The following MYCT1 variants were observed in gnomAD, a reference collection of about 807,000 sequenced individuals.
The protein encoded by MYCT1 is MYC target 1, also known as myc target protein 1.
Under a neutral mutation model 15.0 loss-of-function variants are expected in MYCT1, and 12 were observed. That is an observed-to-expected ratio of 0.80 (90% CI 0.51 to 1.29). The LOEUF (loss-of-function observed/expected upper bound fraction) is 1.29, where lower values mean the gene tolerates loss of function less well. Ranked by LOEUF, MYCT1 falls within the 50% of genes most tolerant of loss-of-function variation. MYCT1 has a pLI of 0.00. For missense variants in MYCT1, 287 were observed against 279.1 expected (o/e 1.03, Z -0.20); for synonymous variants, 104 against 102.7 (o/e 1.01, Z -0.07).
intron 1 of MYCT1, among the ~76,000 whole-genome samples, chr6:152,717,354 T>G (rs568147110): frequency 6.6e-6 from 1 of 152,296 alleles, no homozygotes; most frequent in East Asian, 1.9e-4. Context: ...CAGTATTATT[T>G]GTAGGTGTTT....
chr6:152,741,153 T>C, the MYCT1 span, among the ~76,000 whole-genome samples: 1 of 152,206 alleles, frequency 6.6e-6, no homozygotes, highest in African/African-American at 2.4e-5. Context: ...GTAAAGTGAC[T>C]AACACGTTTT....
intron 1 of MYCT1, among the ~76,000 whole-genome samples, chr6:152,707,571 C>T (rs1237308441): frequency 6.6e-6 from 1 of 151,808 alleles, no homozygotes; most frequent in African/African-American, 2.4e-5. Flanking sequence ...ATATAATTGC[C>T]CAGATCAATA....
the MYCT1 span, among the ~76,000 whole-genome samples, chr6:152,740,039 GTTA>G: frequency 6.6e-6 from 1 of 151,232 alleles, no homozygotes; most frequent in African/African-American, 2.4e-5. Context: ...TATTGTTATT[GTTA>G]TTATTATTAT....
At chr6:152,707,770 CA>C (rs1042953167) in intron 1 of MYCT1, among the ~76,000 whole-genome samples, 2 of 151,974 alleles carry the variant, frequency 1.3e-5, no homozygotes, top group Admixed American at 6.6e-5. Context: ...CCCCATTGTG[CA>C]TTTTTGATAC....
intron 1 of MYCT1, among the ~76,000 whole-genome samples, chr6:152,702,526 T>C (rs2099721484): frequency 6.6e-6 from 1 of 152,134 alleles, no homozygotes; most frequent in African/African-American, 2.4e-5. Flanking sequence ...TTGTTGGGGA[T>C]CAAGTGCTGT....
At chr6:152,745,051 T>C in the MYCT1 span, among the ~76,000 whole-genome samples, 1 of 152,098 alleles carries the variant, frequency 6.6e-6, no homozygotes, top group East Asian at 1.9e-4. Flanking sequence ...GAGGGAGACA[T>C]GTGGCCTCCA....
chr6:152,704,234 T>C (rs1485287430), intron 1 of MYCT1, among the ~76,000 whole-genome samples: 2 of 152,060 alleles, frequency 1.3e-5, no homozygotes, highest in African/African-American at 4.8e-5. Flanking sequence ...ACTCCTGGGC[T>C]CAAGCGATTT....
chr6:152,722,015 C>G lies in MYCT1; in HGVS notation c.470C>G (p.Pro157Arg), dbSNP rs1308308892. 6.2e-7 allele frequency: 1 copy of G among 1,614,022 alleles called. No individual in the cohort carries two copies. Among genetic ancestry groups the G allele is most frequent in the African/African-American group, 1.3e-5 (1 of 74,920 alleles). ...QASLEQANSF[P>R]RKSSFRASTF... Reference sequence around the variant, plus strand: ...TCCCTGGAACAAGCAAATTCCTTTCCAAGAAAATCAAGTTTCAGAGCTTCT... The same window carrying G: ...TCCCTGGAACAAGCAAATTCCTTTCGAAGAAAATCAAGTTTCAGAGCTTCT... Residue 157 changes from proline (P) to arginine (R), a missense_variant, in exon 2 of 2, where the codon CCA becomes CGA. Physicochemically the swap from Pro to Arg is moderately radical, Grantham distance 103 (BLOSUM62 -2). Transcript: ENST00000367245.
At chr6:152,740,369 T>A in the MYCT1 span, among the ~76,000 whole-genome samples, 1 of 152,046 alleles carries the variant, frequency 6.6e-6, no homozygotes, top group African/African-American at 2.4e-5. Flanking sequence ...ATAATTATTA[T>A]CCCTATCAAA....
chr6:152,743,691 CCAGATCTCAGCTCCGCTACT>C, the MYCT1 span, among the ~76,000 whole-genome samples: 2 of 152,160 alleles, frequency 1.3e-5, no homozygotes, highest in Non-Finnish European at 2.9e-5. Flanking sequence ...GGTGAAAGGT[CCAGATCTCAGCTCCGCTACT>C]CATTGGAAGT....
At chr6:152,739,707 T>G in the MYCT1 span, among the ~76,000 whole-genome samples, 1 of 152,146 alleles carries the variant, frequency 6.6e-6, no homozygotes, top group Non-Finnish European at 1.5e-5. Flanking sequence ...ATATTAACTT[T>G]CTGTCATATA....
downstream of MYCT1, among the ~76,000 whole-genome samples, chr6:152,727,486 C>T (rs2099725860): frequency 6.6e-6 from 1 of 152,106 alleles, no homozygotes; most frequent in Non-Finnish European, 1.5e-5. Flanking sequence ...GTGTCTGTAA[C>T]CACAGAAGAG....
At chr6:152,730,788 A>G in the MYCT1 span, among the ~76,000 whole-genome samples, 4 of 152,192 alleles carry the variant, frequency 2.6e-5, no homozygotes, top group Non-Finnish European at 5.9e-5. Context: ...GGTCACAATA[A>G]CTTGCTGAAA....
At chr6:152,705,997 A>G in intron 1 of MYCT1, 2 of 826,926 alleles carry the variant, frequency 2.4e-6, no homozygotes, top group Non-Finnish European at 4.3e-6. Context: ...GCTTTATCGG[A>G]TGCTGCTGGT....
In MYCT1 at chr6:152,712,506, C is replaced by T. The variant is rs1445900395; in HGVS notation, c.197-9236C>T. ...CTTCGGCTCGCGCACGGTGCGCACACACACTGGCCTGCGCCCACTGTCTGG... is the reference window on the plus strand; with the variant it reads ...CTTCGGCTCGCGCACGGTGCGCACATACACTGGCCTGCGCCCACTGTCTGG... On this transcript the variant is annotated intron_variant, in intron 1 of 1. Transcript: ENST00000367245. Among the ~76,000 whole-genome samples, 8 of 72,118 alleles carry T rather than the reference C, an allele frequency of 1.1e-4. 4 individuals carry two copies. Among genetic ancestry groups the T allele is most frequent in the Non-Finnish European group, 2.6e-4 (8 of 30,238 alleles). 47.3% of individuals were successfully genotyped at this position (72,118 alleles called of 152,430 possible). A position where few individuals can be genotyped will look rare whatever the true frequency, so the allele number is the denominator to read the frequency against.
chr6:152,704,284 G>C (rs1315294652), intron 1 of MYCT1, among the ~76,000 whole-genome samples: 1 of 152,130 alleles, frequency 6.6e-6, no homozygotes, highest in Non-Finnish European at 1.5e-5. Context: ...TTACAGGCCT[G>C]AGCCACTGTG....
At chr6:152,698,688 GAAT>G (rs1436421436) in intron 1 of MYCT1, among the ~76,000 whole-genome samples, 1 of 152,116 alleles carries the variant, frequency 6.6e-6, no homozygotes, top group Admixed American at 6.5e-5. Flanking sequence ...ATAAAACATG[GAAT>G]AATATGAAAT....
chr6:152,735,745 T>G, the MYCT1 span, among the ~76,000 whole-genome samples: 3 of 152,140 alleles, frequency 2.0e-5, no homozygotes, highest in Admixed American at 2.0e-4. Flanking sequence ...ATAGAAAGTT[T>G]AAAATATTTG....
At position 152,722,364 on chromosome 6, in the gene MYCT1, C is replaced by T; in HGVS notation, c.*111C>T. On this transcript the variant is annotated 3_prime_UTR_variant, in exon 2 of 2. Coordinates refer to ENST00000367245, the MANE Select transcript of MYCT1 (RefSeq NM_025107.3). ...GCATGGCCCAAATAACTCATGAGTT[C>T]CAAGTTGAAACATGGTTGTGCAAGT... is the stretch of plus-strand genomic sequence containing the variant. 3 of 1,088,884 alleles carry T rather than the reference C, an allele frequency of 2.8e-6. No individual in the cohort carries two copies. The highest frequency in any genetic ancestry group is 3.9e-6 in the Non-Finnish European group (3 of 771,912). 67.5% of individuals were successfully genotyped at this position (1,088,884 alleles called of 1,614,324 possible).
Sources: allele counts gnomAD v4.1 joint callset (sites outside exome capture counted in the v4.1 genomes callset), GRCh38; gene constraint gnomAD v4.1.1; transcripts MANE v1.5; gene names NCBI Gene and HGNC (gene_info 2026-07-23, HGNC 2026-07-21).